Variants in GNAI1 observed in about 807,000 individuals in gnomAD.
GNAI1 encodes guanine nucleotide-binding protein G(i) subunit alpha-1.
A neutral mutation model predicts 38.9 loss-of-function variants in GNAI1; 11 were observed. The ratio of observed to expected loss-of-function variants is 0.28; its 90% CI spans 0.18 to 0.47. The LOEUF (loss-of-function observed/expected upper bound fraction) is 0.47. Among genes scored for constraint, GNAI1 ranks in the 20% least tolerant of loss-of-function variants. The probability of loss-of-function intolerance (pLI) is 0.99; values close to 1 mark genes in which losing one functional copy is unlikely to be tolerated. For missense variants in GNAI1, 317 were observed against 436.9 expected (o/e 0.73, Z 2.45); for synonymous variants, 166 against 145.1 (o/e 1.14, Z -1.04).
chr7:80,186,869 A>T (rs777353423), intron 1 of GNAI1, among the ~76,000 whole-genome samples: 1 of 152,338 alleles, frequency 6.6e-6, no homozygotes, highest in African/African-American at 2.4e-5. Flanking sequence ...CCTGGATTAG[A>T]GAAATGTGTG....
chr7:80,215,483 G>A (rs182101978), intron 7 of GNAI1, among the ~76,000 whole-genome samples: 16 of 152,268 alleles, frequency 1.1e-4, no homozygotes, highest in Admixed American at 5.2e-4. Context: ...GAGTTAAAAT[G>A]TAAACTTAAA....
chr7:80,193,582 A>G (rs528388236), intron 3 of GNAI1, among the ~76,000 whole-genome samples: 23 of 152,262 alleles, frequency 1.5e-4, no homozygotes, highest in African/African-American at 4.8e-4. Flanking sequence ...AAGCTTTACA[A>G]AGGGGCCTAT....
At chr7:80,211,417 A>G (rs1465321495) in intron 6 of GNAI1, among the ~76,000 whole-genome samples, 1 of 147,012 alleles carries the variant, frequency 6.8e-6, no homozygotes, top group East Asian at 2.0e-4. Flanking sequence ...AGTTTAGTAA[A>G]TCTTTTTTTT....
intron 5 of GNAI1, among the ~76,000 whole-genome samples, chr7:80,205,758 T>C (rs1400940323): frequency 6.6e-6 from 1 of 152,166 alleles, no homozygotes; most frequent in Non-Finnish European, 1.5e-5. Flanking sequence ...TGTTATATTA[T>C]TCTGTTTGCA....
chr7:80,166,814 CTG>C (rs1562829640), intron 1 of GNAI1, among the ~76,000 whole-genome samples: 5 of 152,012 alleles, frequency 3.3e-5, no homozygotes, highest in Admixed American at 3.3e-4. Context: ...ATGTGTATAC[CTG>C]TGGTTCTTAA....
At chr7:80,157,853 C>A (rs1244070963) in intron 1 of GNAI1, among the ~76,000 whole-genome samples, 5 of 152,044 alleles carry the variant, frequency 3.3e-5, no homozygotes, top group African/African-American at 1.2e-4. Flanking sequence ...ATTACAGACA[C>A]TCACCAAAAC....
At chr7:80,145,798 G>A (rs1266668261) in intron 1 of GNAI1, among the ~76,000 whole-genome samples, 1 of 152,118 alleles carries the variant, frequency 6.6e-6, no homozygotes, top group Admixed American at 6.6e-5. Context: ...ATATTAAGCA[G>A]TACGTTGTCT....
rs1789041788 is a variant in GNAI1, at chr7:80,219,893, A to G, written c.*2400A>G. On this transcript the variant is annotated 3_prime_UTR_variant, in exon 8 of 8. Coordinates refer to ENST00000649796, the MANE Select transcript of GNAI1 (RefSeq NM_002069.6). Reference sequence around the variant, plus strand: ...CTAATCTCCATTTCAATTTACTGACAGTTCTACAAAGCCTTAAATCTGTTT... The same window carrying G: ...CTAATCTCCATTTCAATTTACTGACGGTTCTACAAAGCCTTAAATCTGTTT... Among the ~76,000 whole-genome samples, 1 of 152,166 alleles carries G rather than the reference A, an allele frequency of 6.6e-6. No individual in the cohort carries two copies. Among genetic ancestry groups the G allele is most frequent in the South Asian group, 2.1e-4 (1 of 4,826 alleles).
intron 3 of GNAI1, among the ~76,000 whole-genome samples, chr7:80,190,688 T>C (rs1378770457): frequency 3.9e-5 from 6 of 152,144 alleles, no homozygotes; most frequent in African/African-American, 1.4e-4. Context: ...CTTACACCAA[T>C]TCTAATTATA....
chr7:80,184,728 T>A (rs1164802161), intron 1 of GNAI1, among the ~76,000 whole-genome samples: 1 of 152,198 alleles, frequency 6.6e-6, no homozygotes, highest in Non-Finnish European at 1.5e-5. Context: ...CATCACCTGA[T>A]GGTCACCTGA....
chr7:80,173,626 G>GCTTA (rs1788133973), intron 1 of GNAI1, among the ~76,000 whole-genome samples: 1 of 152,142 alleles, frequency 6.6e-6, no homozygotes, highest in African/African-American at 2.4e-5. Flanking sequence ...GGGAAGAGTG[G>GCTTA]CTTAAACTCA....
At position 80,222,940 on chromosome 7, in the gene GNAI1, G is replaced by A. The variant is rs1420487693; in HGVS notation, c.*5447G>A. Among the ~76,000 whole-genome samples, 1 of 152,080 alleles carries A rather than the reference G, an allele frequency of 6.6e-6. No individual in the cohort carries two copies. The highest frequency in any genetic ancestry group is 1.9e-4 in the East Asian group (1 of 5,186). On this transcript the variant is annotated 3_prime_UTR_variant, in exon 8 of 8. Transcript: ENST00000649796. ...GTAGCTTAGCCTGGCCTAACTTAAA[G>A]GTGCTCAGAACACTTAGATTAGCAT...
chr7:80,174,453 CTG>C (rs896707061), intron 1 of GNAI1, among the ~76,000 whole-genome samples: 11 of 140,650 alleles, frequency 7.8e-5, no homozygotes, highest in East Asian at 2.1e-4. Flanking sequence ...GTATCTTCTG[CTG>C]TTTTTTTTTT....
chr7:80,166,661 G>A (rs532570239), intron 1 of GNAI1, among the ~76,000 whole-genome samples: 1 of 152,080 alleles, frequency 6.6e-6, no homozygotes, highest in African/African-American at 2.4e-5. Context: ...TTTACTTTTA[G>A]TCCCTTAAAA....
At chr7:80,205,321 T>A (rs968048140) in intron 5 of GNAI1, among the ~76,000 whole-genome samples, 3 of 152,124 alleles carry the variant, frequency 2.0e-5, no homozygotes, top group Non-Finnish European at 4.4e-5. Flanking sequence ...TATTTTTGTT[T>A]TTTTTTTAAC....
intron 7 of GNAI1, among the ~76,000 whole-genome samples, chr7:80,217,046 A>G (rs1035528211): frequency 1.3e-5 from 2 of 152,092 alleles, no homozygotes. Flanking sequence ...AACAAAGATC[A>G]TGATGAACAC....
At position 80,184,154 on chromosome 7, in the gene GNAI1, C is replaced by A. The variant is rs149843732; in HGVS notation, c.119-4797C>A. On this transcript the variant is annotated intron_variant, in intron 1 of 7. Coordinates refer to ENST00000649796, the MANE Select transcript of GNAI1 (RefSeq NM_002069.6). ...GCATCTGCAGCAACCTCAATTCTTACCTCCTCAGAAGAAAGAATTCGGCCG... is the reference window on the plus strand; with the variant it reads ...GCATCTGCAGCAACCTCAATTCTTAACTCCTCAGAAGAAAGAATTCGGCCG... Among the ~76,000 whole-genome samples, 4 of 152,124 alleles carry A rather than the reference C, an allele frequency of 2.6e-5. No individual in the cohort carries two copies. The East Asian group carries it at 7.7e-4, about 29-fold the overall frequency.
intron 5 of GNAI1, among the ~76,000 whole-genome samples, chr7:80,209,396 G>A (rs146827603): frequency 2.0e-4 from 31 of 152,268 alleles, no homozygotes; most frequent in Middle Eastern, 3.4e-3. Context: ...ATTTTCTTCT[G>A]GGAAACCTCA....
In GNAI1 at chr7:80,189,226, C is replaced by A. The variant is rs754417098; in HGVS notation, c.298C>A (p.Arg100=). 1 of 1,610,360 alleles carries A rather than the reference C, an allele frequency of 6.2e-7. No homozygotes were observed. The highest frequency in any genetic ancestry group is 1.7e-5 in the Admixed American group (1 of 58,940). Residue 100 remains arginine, a synonymous_variant, in exon 3 of 8, where the codon CGG becomes AGG. Coordinates refer to ENST00000649796, the MANE Select transcript of GNAI1 (RefSeq NM_002069.6). The part of the protein sequence containing the change: ...RLKIDFGDSA[R]ADDARQLFVL... ...GAAGATAGACTTTGGTGACTCAGCC[C>A]GGGCGGTAAGTTATTAAATTTGTTG...
Sources: gnomAD v4.1 joint callset for allele counts (sites outside exome capture counted in the v4.1 genomes callset) on GRCh38, gnomAD v4.1.1 for gene constraint, MANE v1.5 for transcripts, NCBI Gene and HGNC (gene_info 2026-07-23, HGNC 2026-07-21) for gene names.